CREB5: variants seen among roughly 807,000 people sequenced by gnomAD.
CREB5 encodes the protein cyclic AMP-responsive element-binding protein 5.
CREB5 carries 19 observed loss-of-function variants against 57.1 expected under a neutral mutation model. The observed-to-expected ratio is 0.33, with a 90% CI of 0.23 to 0.49. The LOEUF (loss-of-function observed/expected upper bound fraction) is 0.49, where lower values mean the gene tolerates loss of function less well. Ranked by LOEUF, CREB5 falls within the 20% of genes least tolerant of loss-of-function variation. The pLI is 0.99. For synonymous variants in CREB5, 238 were observed against 238.3 expected (o/e 1.00, Z 0.01); for missense variants, 579 against 671.6 (o/e 0.86, Z 1.52).
intron 1 of CREB5, among the ~76,000 whole-genome samples, chr7:28,327,586 C>G (rs546825886): frequency 6.6e-6 from 1 of 152,222 alleles, no homozygotes; most frequent in African/African-American, 2.4e-5. Context: ...CTCTGCCCTT[C>G]CCACTTCTCC....
intron 5 of CREB5, among the ~76,000 whole-genome samples, chr7:28,671,495 T>TG (rs1458960842): frequency 6.6e-6 from 1 of 152,172 alleles, no homozygotes; most frequent in Non-Finnish European, 1.5e-5. Context: ...TTTTTCAGAC[T>TG]GGGGAGAAGC....
intron 1 of CREB5, among the ~76,000 whole-genome samples, chr7:28,435,087 C>T (rs1174372344): frequency 1.4e-5 from 2 of 138,122 alleles, no homozygotes; most frequent in Non-Finnish European, 3.1e-5. Context: ...CCTAGGCCAC[C>T]TGGCTTTTTT....
chr7:28,405,818 T>G (rs1171948452), intron 1 of CREB5, among the ~76,000 whole-genome samples: 1 of 152,162 alleles, frequency 6.6e-6, no homozygotes, highest in Non-Finnish European at 1.5e-5. Context: ...TGCCCATCTA[T>G]GAATTCATTA....
At chr7:28,787,350 C>A (rs934661308) in intron 7 of CREB5, among the ~76,000 whole-genome samples, 1 of 152,178 alleles carries the variant, frequency 6.6e-6, no homozygotes, top group Non-Finnish European at 1.5e-5. Context: ...CAGCTGAGTG[C>A]CAGACTAGTC....
intron 7 of CREB5, chr7:28,726,709 T>C (rs1803355439): frequency 6.6e-6 from 1 of 152,162 alleles, no homozygotes; most frequent in African/African-American, 2.4e-5. Flanking sequence ...ACATGGACTA[T>C]TGTGATGAAT....
intron 9 of CREB5, among the ~76,000 whole-genome samples, 153 bp downstream of exon 9, chr7:28,809,567 A>C (rs909749878): frequency 1.3e-5 from 2 of 152,182 alleles, no homozygotes; most frequent in Non-Finnish European, 2.9e-5. Flanking sequence ...TATTAATTCC[A>C]GGACACCCTG....
intron 1 of CREB5, among the ~76,000 whole-genome samples, chr7:28,390,403 C>T (rs1787193364): frequency 6.6e-6 from 1 of 152,178 alleles, no homozygotes; most frequent in Non-Finnish European, 1.5e-5. Flanking sequence ...TAAAAATAAA[C>T]TGTTAATAAC....
intron 5 of CREB5, among the ~76,000 whole-genome samples, chr7:28,695,767 C>T (rs1158274780): frequency 6.6e-6 from 1 of 152,110 alleles, no homozygotes; most frequent in African/African-American, 2.4e-5. Flanking sequence ...CCAGCACCCA[C>T]CCACCTGCAG....
chr7:28,797,928 C>G (rs997741533), intron 7 of CREB5, among the ~76,000 whole-genome samples: 1 of 150,294 alleles, frequency 6.7e-6, no homozygotes, highest in African/African-American at 2.5e-5. Flanking sequence ...CCTGTGTTGA[C>G]TGCTTTTGTG....
At position 28,820,818 on chromosome 7, in the gene CREB5, T is replaced by G. The variant is rs1000554267; in HGVS notation, c.*1539T>G. 1 of 152,234 alleles carries G rather than the reference T, an allele frequency of 6.6e-6. No homozygotes were observed. The highest frequency in any genetic ancestry group is 2.4e-5 in the African/African-American group (1 of 41,432). The allele number at this position is 152,234 out of a possible 1,614,324, so 9.4% of individuals were successfully genotyped here. ...AATAAAAGATGAGGTCTGTCTTATG[T>G]TGCCCAGGCTGGTCTCAAACTATCC... On this transcript the variant is annotated 3_prime_UTR_variant, in exon 11 of 11. Coordinates refer to ENST00000357727, the MANE Select transcript of CREB5 (RefSeq NM_182898.4).
At chr7:28,478,273 C>G (rs1019971994) in intron 1 of CREB5, among the ~76,000 whole-genome samples, 1 of 151,906 alleles carries the variant, frequency 6.6e-6, no homozygotes, top group East Asian at 1.9e-4. Context: ...TGGTACAATA[C>G]GAGCTAGGCA....
chr7:28,372,822 A>G (rs549481662), intron 1 of CREB5, among the ~76,000 whole-genome samples: 2 of 152,364 alleles, frequency 1.3e-5, no homozygotes, highest in South Asian at 4.1e-4. Flanking sequence ...ACTGAGGACC[A>G]TGCAACTCTC....
At chr7:28,688,879 A>G (rs1801090197) in intron 5 of CREB5, among the ~76,000 whole-genome samples, 1 of 152,064 alleles carries the variant, frequency 6.6e-6, no homozygotes, top group African/African-American at 2.4e-5. Context: ...AGAGCATTAC[A>G]ATTTATGTCG....
rs144056475 is a variant in CREB5 at position 28,682,484 on chromosome 7, C to T, written c.465-36269C>T. Among the ~76,000 whole-genome samples the T allele has an allele frequency of 1.1e-3, 172 of 152,268 alleles. 1 individual carries two copies. Among genetic ancestry groups the T allele is most frequent in the African/African-American group, 3.9e-3 (160 of 41,552 alleles). ...TGTAAATTAAAAAAGGAAGAGATGC[C>T]ACTTTTTTCTGAATAATTTTTAATA... On this transcript the variant is annotated intron_variant, in intron 5 of 10. Transcript: ENST00000357727.
chr7:28,385,729 G>GT lies in CREB5; in HGVS notation c.-25+86296dup, dbSNP rs562452251. Among the ~76,000 whole-genome samples, 907 of 151,520 alleles carry GT rather than the reference G, an allele frequency of 6.0e-3. 4 individuals are homozygous for GT. Among genetic ancestry groups the GT allele is most frequent in the Non-Finnish European group, 9.3e-3 (630 of 67,852 alleles). On this transcript the variant is annotated intron_variant, in intron 1 of 9. Coordinates refer to the CREB5 transcript ENST00000396299. ...TGAAAAAAGAGGTAAAATGGTATGA[G>GT]TTTTTTTTATAATTGGTTTTTAGAA...
intron 1 of CREB5, among the ~76,000 whole-genome samples, chr7:28,426,043 GC>G (rs1562708327): frequency 6.6e-6 from 1 of 152,230 alleles, no homozygotes; most frequent in East Asian, 1.9e-4. Flanking sequence ...ACATATCATT[GC>G]CACATCTTCT....
At chr7:28,785,910 A>G (rs2128787329) in intron 7 of CREB5, among the ~76,000 whole-genome samples, 1 of 152,324 alleles carries the variant, frequency 6.6e-6, no homozygotes, top group South Asian at 2.1e-4. Context: ...GATCCTGTTT[A>G]AAGGGTCATA....
intron 1 of CREB5, among the ~76,000 whole-genome samples, chr7:28,373,555 C>T (rs1171602058): frequency 6.6e-6 from 1 of 150,952 alleles, no homozygotes; most frequent in Non-Finnish European, 1.5e-5. Flanking sequence ...TTCCAAGTAA[C>T]TGGGACCATA....
intron 9 of CREB5, among the ~76,000 whole-genome samples, chr7:28,810,998 T>G (rs1038471165): frequency 6.6e-6 from 1 of 152,216 alleles, no homozygotes; most frequent in South Asian, 2.1e-4. Context: ...GGGAAACATA[T>G]AGCAGATGTG....
Sources: allele counts gnomAD v4.1 joint callset (sites outside exome capture counted in the v4.1 genomes callset), GRCh38; gene constraint gnomAD v4.1.1; transcripts MANE v1.5; gene names NCBI Gene and HGNC (gene_info 2026-07-23, HGNC 2026-07-21).